SMAD9: variants seen among roughly 807,000 people sequenced by gnomAD.
SMAD9 encodes the protein MAD homolog 9.
In SMAD9, 36 loss-of-function variants were observed where a neutral mutation model predicts 46.1. That is an observed-to-expected ratio of 0.78 (90% CI 0.60 to 1.03). The LOEUF (loss-of-function observed/expected upper bound fraction) is 1.03. SMAD9 is among the 50% of genes least tolerant of loss of function. The pLI is 0.00. For synonymous variants in SMAD9, 245 were observed against 237.1 expected, an observed-to-expected ratio of 1.03 and a Z score of -0.31; for missense variants, 572 against 599.8, an observed-to-expected ratio of 0.95 and a Z score of 0.48.
chr13:36,866,813 G>A (rs562869560), intron 4 of SMAD9, among the ~76,000 whole-genome samples: 2 of 152,230 alleles, frequency 1.3e-5, no homozygotes, highest in Non-Finnish European at 2.9e-5. Context: ...AGATCACAAC[G>A]TGGTTTATAT....
chr13:36,864,443 A>G (rs992219989), intron 5 of SMAD9, among the ~76,000 whole-genome samples: 2 of 152,026 alleles, frequency 1.3e-5, no homozygotes, highest in African/African-American at 4.8e-5. Context: ...ACCAGGCCCG[A>G]CCCTGCTTAG....
intron 4 of SMAD9, among the ~76,000 whole-genome samples, chr13:36,866,284 A>G (rs1373353805): frequency 6.6e-6 from 1 of 151,274 alleles, no homozygotes; most frequent in Non-Finnish European, 1.5e-5. Flanking sequence ...TTATTTAAGG[A>G]AAAAAAAAGC....
intron 1 of SMAD9, among the ~76,000 whole-genome samples, chr13:36,902,555 G>A (rs2058585190): frequency 6.6e-6 from 1 of 151,980 alleles, no homozygotes; most frequent in South Asian, 2.1e-4. Flanking sequence ...CCGGGTTCAA[G>A]CGATTCTCCT....
intron 1 of SMAD9, among the ~76,000 whole-genome samples, chr13:36,892,179 G>C (rs1166447067): frequency 6.6e-6 from 1 of 152,210 alleles, no homozygotes; most frequent in African/African-American, 2.4e-5. Context: ...ACTCAGGTCA[G>C]ACAGATTAAG....
chr13:36,877,199 TA>T (rs1265258316), intron 2 of SMAD9, among the ~76,000 whole-genome samples: 1 of 151,970 alleles, frequency 6.6e-6, no homozygotes, highest in African/African-American at 2.4e-5. Flanking sequence ...CCGTCTCTAC[TA>T]AAAATACAAA....
At chr13:36,850,811 G>C (rs1477278805) in intron 6 of SMAD9, among the ~76,000 whole-genome samples, 1 of 152,018 alleles carries the variant, frequency 6.6e-6, no homozygotes, top group African/African-American at 2.4e-5. Flanking sequence ...CTCTTATATC[G>C]AACTGGCTAC....
At chr13:36,882,524 C>A (rs1002635944) in intron 1 of SMAD9, among the ~76,000 whole-genome samples, 1 of 152,132 alleles carries the variant, frequency 6.6e-6, no homozygotes, top group African/African-American at 2.4e-5. Flanking sequence ...CAAATCATTA[C>A]AGTGGTCTCA....
At chr13:36,884,457 T>C (rs190050345) in intron 1 of SMAD9, among the ~76,000 whole-genome samples, 7 of 152,292 alleles carry the variant, frequency 4.6e-5, no homozygotes, top group African/African-American at 1.4e-4. Flanking sequence ...ACAGTACTTT[T>C]TTCTTTTTCT....
chr13:36,912,183 TATC>T (rs1298194706), intron 1 of SMAD9, among the ~76,000 whole-genome samples: 2 of 152,204 alleles, frequency 1.3e-5, no homozygotes, highest in Non-Finnish European at 2.9e-5. Context: ...ATTTAATAGT[TATC>T]ATGACTACGG....
chr13:36,862,564 A>C (rs1275129843), intron 5 of SMAD9, among the ~76,000 whole-genome samples: 2 of 152,232 alleles, frequency 1.3e-5, no homozygotes, highest in African/African-American at 4.8e-5. Context: ...CAGAAAACTC[A>C]TGAAAAAGGA....
At chr13:36,863,167 T>C (rs2058199497) in intron 5 of SMAD9, among the ~76,000 whole-genome samples, 1 of 152,200 alleles carries the variant, frequency 6.6e-6, no homozygotes, top group Admixed American at 6.5e-5. Context: ...CAGAACCAGA[T>C]AACCCATGGC....
chr13:36,853,557 G>C lies in SMAD9; in HGVS notation c.1122C>G (p.Cys374Trp). 6.2e-7 allele frequency: 1 copy of C among 1,614,176 alleles called. No homozygotes were observed. The highest frequency in any genetic ancestry group is 1.7e-5 in the Admixed American group (1 of 60,024). Residue 374 changes from cysteine to tryptophan, a missense_variant, in exon 6 of 7, where the codon TGC (cysteine) becomes TGG (tryptophan). Cys to Trp is a radical substitution (Grantham distance 215). Transcript: ENST00000379826. ...YQHGFHPATV[C>W]KIPSGCSLKV... Reference sequence around the variant, plus strand: ...TGAGGCTGCAGCCGCTGGGGATCTTGCAGACGGTAGCTGGGTGGAAGCCGT... The same window carrying C: ...TGAGGCTGCAGCCGCTGGGGATCTTCCAGACGGTAGCTGGGTGGAAGCCGT...
At chr13:36,853,077 G>A (rs1448573318) in intron 6 of SMAD9, among the ~76,000 whole-genome samples, 2 of 152,146 alleles carry the variant, frequency 1.3e-5, no homozygotes, top group Admixed American at 6.5e-5. Flanking sequence ...ACAAGGTCAG[G>A]AGTTCAAGAC....
At chr13:36,865,090 A>G (rs2058219228) in intron 5 of SMAD9, among the ~76,000 whole-genome samples, 1 of 152,158 alleles carries the variant, frequency 6.6e-6, no homozygotes, top group Non-Finnish European at 1.5e-5. Context: ...TTCCAGACAT[A>G]AATCAGTCAT....
chr13:36,871,781 A>G (rs1430192763), intron 3 of SMAD9, among the ~76,000 whole-genome samples: 1 of 152,242 alleles, frequency 6.6e-6, no homozygotes, highest in Non-Finnish European at 1.5e-5. Flanking sequence ...TTATCTTCCC[A>G]CATCGTAGGG....
In SMAD9 at chr13:36,881,577, C is replaced by T. The variant is rs140132335; in HGVS notation, c.-186-1702G>A. Among the ~76,000 whole-genome samples the T allele has an allele frequency of 1.6e-3, 243 of 152,324 alleles. 1 individual carries two copies. The highest frequency in any genetic ancestry group is 5.7e-3 in the African/African-American group (239 of 41,570). On this transcript the variant is annotated intron_variant, in intron 1 of 6. Transcript: ENST00000379826. The stretch of plus-strand genomic sequence containing the variant: ...TAAGTATAAAGCAATAGTCACATCA[C>T]TTTATTCCTCATCTGGGCTTTATCT...
At chr13:36,872,527 C>T in intron 3 of SMAD9, 131 bp downstream of exon 3, 1 of 1,077,436 alleles carries the variant, frequency 9.3e-7, no homozygotes, top group African/African-American at 1.5e-5. Flanking sequence ...CATTTTAAGG[C>T]TGATTGCTTT....
chr13:36,865,103 T>C (rs925335532), intron 5 of SMAD9, among the ~76,000 whole-genome samples: 5 of 152,212 alleles, frequency 3.3e-5, no homozygotes, highest in African/African-American at 1.2e-4. Context: ...TCAGTCATTC[T>C]TTCTAACTAC....
chr13:36,854,456 C>T (rs992907646), intron 5 of SMAD9, among the ~76,000 whole-genome samples: 6 of 152,118 alleles, frequency 3.9e-5, no homozygotes, highest in African/African-American at 1.4e-4. Flanking sequence ...CAACCTCTGC[C>T]TCCCGGGCTC....
Sources: gnomAD v4.1 joint callset for allele counts (sites outside exome capture counted in the v4.1 genomes callset) on GRCh38, gnomAD v4.1.1 for gene constraint, MANE v1.5 for transcripts, NCBI Gene and HGNC (gene_info 2026-07-23, HGNC 2026-07-21) for gene names.